The following CNTNAP3B variants were observed in gnomAD, a reference collection of about 807,000 sequenced individuals.
CNTNAP3B encodes the protein contactin-associated protein-like 3B.
A neutral mutation model predicts 108.9 loss-of-function variants in CNTNAP3B; 25 were observed. The observed-to-expected ratio is 0.23, with a 90% CI of 0.17 to 0.32. The LOEUF (loss-of-function observed/expected upper bound fraction) is 0.32. CNTNAP3B is among the 10% of genes least tolerant of loss of function. The pLI, the probability that CNTNAP3B is intolerant of heterozygous loss-of-function variation, is 1.00. For synonymous variants in CNTNAP3B, 103 were observed against 473.4 expected, an observed-to-expected ratio of 0.22 and a Z score of 10.16; for missense variants, 252 against 1,210.4, an observed-to-expected ratio of 0.21 and a Z score of 11.75.
intron 9 of CNTNAP3B, among the ~76,000 whole-genome samples, chr9:41,979,109 G>A (rs994206757): frequency 7.4e-6 from 1 of 135,048 alleles, no homozygotes; most frequent in Non-Finnish European, 1.6e-5. Flanking sequence ...GTCTTCCTGA[G>A]GCGTTGTTCC....
At chr9:42,089,456 T>C (rs572054614) in intron 2 of CNTNAP3B, among the ~76,000 whole-genome samples, 5 of 137,696 alleles carry the variant, frequency 3.6e-5, no homozygotes, top group Non-Finnish European at 7.8e-5. Context: ...AAAGATCGCA[T>C]ACTATAACAA....
At chr9:42,001,325 G>T (rs1167860519) in intron 4 of CNTNAP3B, among the ~76,000 whole-genome samples, 1 of 119,940 alleles carries the variant, frequency 8.3e-6, no homozygotes, top group Non-Finnish European at 1.7e-5. Context: ...GAGGTGGGAG[G>T]ATCGCTTGAG....
intron 3 of CNTNAP3B, among the ~76,000 whole-genome samples, chr9:42,072,906 T>G (rs1210687516): frequency 7.5e-6 from 1 of 134,192 alleles, no homozygotes; most frequent in East Asian, 2.3e-4. Flanking sequence ...TATGAGTGAC[T>G]AGGTGGTAAT....
At chr9:42,072,961 T>C (rs1164972822) in intron 3 of CNTNAP3B, among the ~76,000 whole-genome samples, 1 of 139,624 alleles carries the variant, frequency 7.2e-6, no homozygotes, top group African/African-American at 2.8e-5. Flanking sequence ...AATATTCACA[T>C]TAAGCAGAGT....
chr9:42,081,394 A>T (rs1410910887), intron 2 of CNTNAP3B, among the ~76,000 whole-genome samples: 1 of 145,898 alleles, frequency 6.9e-6, no homozygotes, highest in Non-Finnish European at 1.5e-5. Context: ...TGAGGAAATT[A>T]TTAAAGTTTT....
chr9:41,981,302 C>A (rs1306756939), intron 9 of CNTNAP3B, among the ~76,000 whole-genome samples: 1 of 106,270 alleles, frequency 9.4e-6, no homozygotes, highest in Non-Finnish European at 1.9e-5. Flanking sequence ...TGGTTTTTAA[C>A]CATATTGGGC....
intron 13 of CNTNAP3B, among the ~76,000 whole-genome samples, chr9:41,945,809 C>T (rs1407101439): frequency 1.3e-5 from 2 of 152,216 alleles, no homozygotes; most frequent in Non-Finnish European, 2.9e-5. Context: ...ACAACAACAA[C>T]AAAACCCATG....
intron 14 of CNTNAP3B, among the ~76,000 whole-genome samples, chr9:41,933,913 C>A (rs1213384497): frequency 2.6e-5 from 4 of 152,122 alleles, no homozygotes; most frequent in African/African-American, 9.7e-5. Flanking sequence ...TATACTTATT[C>A]AACAATAATG....
chr9:42,129,369 C>G lies in CNTNAP3B; in HGVS notation c.-275G>C, dbSNP rs1337529040. ...GGCGCCGCCCCAGGCACGGAGGCGGCAGGTTCAGGCGCGTCCCGGACACTA... is the reference window on the plus strand; with the variant it reads ...GGCGCCGCCCCAGGCACGGAGGCGGGAGGTTCAGGCGCGTCCCGGACACTA... On this transcript the variant is annotated 5_prime_UTR_variant, in exon 1 of 24. Transcript: ENST00000377561. 5.8e-6 allele frequency: 2 copies of G among 344,732 alleles called. No homozygotes were observed. The allele number at this position is 344,732 out of a possible 1,614,324, so 21.4% of individuals were successfully genotyped here.
chr9:41,970,080 G>A lies in CNTNAP3B; in HGVS notation c.1643C>T (p.Thr548Ile). Reference sequence around the variant, plus strand: ...GACCTAGGATGGCCCTTACCTGTCTGTGATGCCGCAGGAGTCTATCTGGAG... The same window carrying A: ...GACCTAGGATGGCCCTTACCTGTCTATGATGCCGCAGGAGTCTATCTGGAG... ...RDLQIDSCGITDRCLPSYCEH... is the reference protein window; with the variant it reads ...RDLQIDSCGIIDRCLPSYCEH... The change falls in exon 10 of 24, where the codon ACA (threonine) becomes ATA (isoleucine). Residue 548 changes from threonine (T) to isoleucine (I), a missense_variant. Coordinates refer to ENST00000377561, the MANE Select transcript of CNTNAP3B (RefSeq NM_001201380.3). The A allele has an allele frequency of 8.5e-7, 1 of 1,171,190 alleles. No individual in the cohort carries two copies. Among genetic ancestry groups the A allele is most frequent in the African/African-American group, 2.1e-5 (1 of 47,032 alleles). 72.5% of individuals were successfully genotyped at this position (1,171,190 alleles called of 1,614,324 possible).
Position 42,063,081 on chromosome 9 carries a change from C to T in CNTNAP3B, c.390+13788G>A, listed in dbSNP as rs567674737. ...CACCACAGTTTTAAAATTTGACTTA[C>T]TTTTGTACTTACTTTTGACTTAAAC... On this transcript the variant is annotated intron_variant, in intron 3 of 23. Transcript: ENST00000377561. Among the ~76,000 whole-genome samples the T allele has an allele frequency of 1.1e-3, 119 of 105,418 alleles. 5 individuals are homozygous for T. The highest frequency in any genetic ancestry group is 9.5e-3 in the South Asian group (34 of 3,574). 69.2% of individuals were successfully genotyped at this position (105,418 alleles called of 152,430 possible).
rs1828602497 is a variant in CNTNAP3B, at chr9:42,127,672, C to T, written c.85+1338G>A. Among the ~76,000 whole-genome samples, 2 of 139,746 alleles carry T rather than the reference C, an allele frequency of 1.4e-5. 1 individual carries two copies. Among genetic ancestry groups the T allele is most frequent in the Non-Finnish European group, 3.1e-5 (2 of 65,130 alleles). 91.7% of individuals were successfully genotyped at this position (139,746 alleles called of 152,430 possible). The stretch of plus-strand genomic sequence containing the variant: ...TATTCACAAAGCCCTCTCACAAAAG[C>T]AGATTAAAGTTGAATCTGAAACACG... On this transcript the variant is annotated intron_variant, in intron 1 of 23. Coordinates refer to ENST00000377561, the MANE Select transcript of CNTNAP3B (RefSeq NM_001201380.3).
intron 1 of CNTNAP3B, among the ~76,000 whole-genome samples, chr9:42,114,884 T>A (rs573854996): frequency 7.5e-6 from 1 of 133,998 alleles, no homozygotes; most frequent in East Asian, 2.3e-4. Context: ...TGAAACTCCA[T>A]CTTTAGTAAA....
At chr9:42,124,676 TCA>T (rs1209606079) in intron 1 of CNTNAP3B, among the ~76,000 whole-genome samples, 1 of 125,046 alleles carries the variant, frequency 8.0e-6, no homozygotes, top group East Asian at 2.5e-4. Context: ...CAGATAACAG[TCA>T]GTCTGACGGG....
intron 3 of CNTNAP3B, among the ~76,000 whole-genome samples, chr9:42,036,097 GAC>G (rs1826622616): frequency 6.7e-6 from 1 of 149,798 alleles, no homozygotes; most frequent in African/African-American, 2.5e-5. Flanking sequence ...ATCACAGGGA[GAC>G]TCCGTCTCAA....
chr9:41,935,901 G>T (rs1027476494), intron 14 of CNTNAP3B, among the ~76,000 whole-genome samples: 8 of 152,292 alleles, frequency 5.3e-5, no homozygotes, highest in Non-Finnish European at 1.2e-4. Flanking sequence ...AAGGGTATCA[G>T]AGGACCTGCA....
At chr9:42,124,858 C>T (rs1309183063) in intron 1 of CNTNAP3B, among the ~76,000 whole-genome samples, 1 of 137,198 alleles carries the variant, frequency 7.3e-6, no homozygotes, top group Non-Finnish European at 1.5e-5. Context: ...ACTGTTATTT[C>T]TCATAATTGT....
intron 1 of CNTNAP3B, among the ~76,000 whole-genome samples, chr9:42,118,716 G>A (rs1335828437): frequency 2.6e-5 from 3 of 114,298 alleles, no homozygotes; most frequent in Non-Finnish European, 5.4e-5. Context: ...CATTCAATTA[G>A]GAAAAGAGGA....
At chr9:41,979,052 A>T (rs1474112737) in intron 9 of CNTNAP3B, among the ~76,000 whole-genome samples, 1 of 137,746 alleles carries the variant, frequency 7.3e-6, no homozygotes, top group African/African-American at 2.9e-5. Context: ...TCAGGGAGGA[A>T]CCCAGTAAAC....
Sources: allele counts gnomAD v4.1 joint callset (sites outside exome capture counted in the v4.1 genomes callset), GRCh38; gene constraint gnomAD v4.1.1; transcripts MANE v1.5; gene names NCBI Gene and HGNC (gene_info 2026-07-23, HGNC 2026-07-21).